Variants in SPTAN1 observed in about 807,000 individuals in gnomAD.
SPTAN1 encodes the protein spectrin alpha, non-erythrocytic 1, also known as spectrin alpha chain, non-erythrocytic 1.
Under a neutral mutation model 331.3 loss-of-function variants are expected in SPTAN1, and 61 were observed. That is an observed-to-expected ratio of 0.18 (90% CI 0.15 to 0.23). SPTAN1 has a LOEUF of 0.23. SPTAN1 is among the 10% of genes least tolerant of loss of function. SPTAN1 has a pLI of 1.00. For synonymous variants in SPTAN1, 1,153 were observed against 1,173.9 expected, an observed-to-expected ratio of 0.98 and a Z score of 0.36; for missense variants, 2,043 against 3,147.9, an observed-to-expected ratio of 0.65 and a Z score of 8.40.
In SPTAN1 at chr9:128,561,662, CAAAAAA is replaced by C. The variant is rs762156669; in HGVS notation, c.-3-5055_-3-5050del. Among the ~76,000 whole-genome samples the C allele has an allele frequency of 3.3e-3, 53 of 15,978 alleles. 1 individual carries two copies. Among genetic ancestry groups the C allele is most frequent in the Admixed American group, 0.017 (12 of 708 alleles). The allele number at this position is 15,978 out of a possible 152,430, so 10.5% of individuals were successfully genotyped here. A position where few individuals can be genotyped will look rare whatever the true frequency, so the allele number is the denominator to read the frequency against. On this transcript the variant is annotated intron_variant, in intron 1 of 56. Coordinates refer to ENST00000372739, the MANE Select transcript of SPTAN1 (RefSeq NM_001130438.3). ...TGGGCAACAGAGCGAGACTCCGTCT[CAAAAAA>C]AAAAAAAAAAAAAAAAAAAAGAATA...
Position 128,625,739 on chromosome 9 carries a change from C to T in SPTAN1, c.6070-30C>T. The T allele has an allele frequency of 6.2e-7, 1 of 1,610,530 alleles. No individual in the cohort carries two copies. The highest frequency in any genetic ancestry group is 8.5e-7 in the Non-Finnish European group (1 of 1,177,898). On this transcript the variant is annotated intron_variant, in intron 47 of 56. Coordinates refer to ENST00000372739, the MANE Select transcript of SPTAN1 (RefSeq NM_001130438.3). This position sits in a 1 kb window ranked among gnomAD's most constrained non-coding sequence, Gnocchi z 4.1. ...AGCAAGTTCCAGTCCTGTGGAGTCA[C>T]CACAAATTGGCTTGTCACTCCTTGT...
chr9:128,585,785 C>T lies in SPTAN1; in HGVS notation c.2598C>T (p.His866=), dbSNP rs1321026063. The change falls in exon 19 of 57, where the codon CAC becomes CAT. Residue 866 remains histidine, a synonymous_variant. Coordinates refer to ENST00000372739, the MANE Select transcript of SPTAN1 (RefSeq NM_001130438.3). ...CAGAGGATGTGAAGGCCAAGCTTCA[C>T]GAGCTGAACCAAAAGTGGGAGGCAC... is the stretch of plus-strand genomic sequence containing the variant. The part of the protein sequence containing the change: ...FAAEDVKAKL[H]ELNQKWEALK... The T allele has an allele frequency of 5.0e-6, 8 of 1,614,078 alleles. No homozygotes were observed. The African/African-American group carries it at 6.7e-5, about 13-fold the overall frequency.
Position 128,632,456 on chromosome 9 carries a change from G to A in SPTAN1, c.6985G>A (p.Ala2329Thr). Reference sequence around the variant, plus strand: ...GAACACAACAGGTGTGACTGAGGAGGCCCTCAAAGAATTCAGCATGATGTT... The same window carrying A: ...GAACACAACAGGTGTGACTGAGGAGACCCTCAAAGAATTCAGCATGATGTT... ...ARNTTGVTEE[A>T]LKEFSMMFKH... The change falls in exon 54 of 57, where the codon GCC (alanine) becomes ACC (threonine). Residue 2329 changes from alanine to threonine, a missense_variant. Coordinates refer to ENST00000372739, the MANE Select transcript of SPTAN1 (RefSeq NM_001130438.3). The A allele has an allele frequency of 6.2e-7, 1 of 1,614,166 alleles. No homozygotes were observed. The highest frequency in any genetic ancestry group is 8.5e-7 in the Non-Finnish European group (1 of 1,180,010).
chr9:128,564,238 G>A (rs376228888), intron 1 of SPTAN1, among the ~76,000 whole-genome samples: 16 of 152,236 alleles, frequency 1.1e-4, no homozygotes, highest in East Asian at 7.7e-4. Flanking sequence ...GGCCAACATG[G>A]TGAAACCCCG....
At chr9:128,559,690 G>A (rs1274573725) in intron 1 of SPTAN1, among the ~76,000 whole-genome samples, 1 of 151,678 alleles carries the variant, frequency 6.6e-6, no homozygotes, top group Non-Finnish European at 1.5e-5. Flanking sequence ...AAATAAATAA[G>A]TCTAACCCTA....
In SPTAN1 at chr9:128,626,510, T is replaced by C. The variant is rs1564316704; in HGVS notation, c.6399T>C (p.Ala2133=). 1.9e-6 allele frequency: 3 copies of C among 1,614,058 alleles called. No homozygotes were observed. The highest frequency in any genetic ancestry group is 2.5e-6 in the Non-Finnish European group (3 of 1,180,006). The change falls in exon 49 of 57, where the codon GCT becomes GCC. Residue 2133 remains alanine (A), a synonymous_variant. Coordinates refer to ENST00000372739, the MANE Select transcript of SPTAN1 (RefSeq NM_001130438.3). ...VRCNSLEEIK[A]LREAHDAFRS... is the part of the protein sequence containing the mutation. ...GCAACTCCTTGGAAGAAATCAAAGC[T>C]TTGCGCGAGGCCCACGACGCCTTCC...
chr9:128,575,309 T>A lies in SPTAN1; in HGVS notation c.615T>A (p.Val205=), dbSNP rs763385120. Residue 205 remains valine, a synonymous_variant, in exon 5 of 57, where the codon GTT becomes GTA. Transcript: ENST00000372739. ...QTDMAAHEER[V]NEVNQFAAKL... is the part of the protein sequence containing the mutation. ...ATATGGCTGCTCATGAAGAAAGAGT[T>A]AATGAAGTGAACCAGTTTGCTGCCA... is the stretch of plus-strand genomic sequence containing the variant. The A allele has an allele frequency of 7.4e-6, 12 of 1,613,602 alleles. No individual in the cohort carries two copies. The Middle Eastern group carries it at 6.6e-4, about 88-fold the overall frequency.
Position 128,629,366 on chromosome 9 carries a change from C to CCGG in SPTAN1, c.6708-955_6708-954insCGG, listed in dbSNP as rs1859301255. Among the ~76,000 whole-genome samples, 1 of 151,788 alleles carries CCGG rather than the reference C, an allele frequency of 6.6e-6. No individual in the cohort carries two copies. Among genetic ancestry groups the CCGG allele is most frequent in the African/African-American group, 2.4e-5 (1 of 41,328 alleles). ...CCCAGGTCCTGGGGGGCATTTTCCC[C>CCGG]GGGGGGACATGGCGTGACTGTGAGT... On this transcript the variant is annotated intron_variant, in intron 51 of 56. Transcript: ENST00000372739. The surrounding 1 kb of genome is among the most constrained non-coding windows in gnomAD (Gnocchi z 4.9).
chr9:128,578,815 G>A (rs946320009), intron 9 of SPTAN1, among the ~76,000 whole-genome samples: 2 of 135,214 alleles, frequency 1.5e-5, no homozygotes, highest in South Asian at 5.2e-4. Context: ...GACAACAAGA[G>A]TGTTTCACTC....
intron 9 of SPTAN1, among the ~76,000 whole-genome samples, chr9:128,578,852 A>C (rs1258172215): frequency 6.6e-6 from 1 of 151,094 alleles, no homozygotes; most frequent in African/African-American, 2.5e-5. Flanking sequence ...AAAAAAAAAA[A>C]AACCTTCTGA....
chr9:128,577,583 C>T lies in SPTAN1; in HGVS notation c.1085+77C>T. 6.3e-7 allele frequency: 1 copy of T among 1,587,034 alleles called. No individual in the cohort carries two copies. Among genetic ancestry groups the T allele is most frequent in the Non-Finnish European group, 8.6e-7 (1 of 1,160,416 alleles). On this transcript the variant is annotated intron_variant, in intron 8 of 56. Transcript: ENST00000372739. This position sits in a 1 kb window ranked among gnomAD's most constrained non-coding sequence, Gnocchi z 4.2. ...AAGCAGGAATAGCAGAGTTAAGGGT[C>T]TGTTCTGTGTTCTGTGAAAGTGTCA...
chr9:128,584,021 AG>A, intron 16 of SPTAN1, 52 bp downstream of exon 16: 1 of 1,607,606 alleles, frequency 6.2e-7, no homozygotes, highest in Non-Finnish European at 8.5e-7. Flanking sequence ...AAACTATAGG[AG>A]GGAGGAAAAG....
At chr9:128,584,922 G>T (rs1852388568) in intron 18 of SPTAN1, 79 bp downstream of exon 18, 2 of 1,579,950 alleles carry the variant, frequency 1.3e-6, no homozygotes, top group South Asian at 2.2e-5. Context: ...GGCCACGTGG[G>T]CATCACAAAC....
At chr9:128,570,312 ATATATATATATATATATATTTTTTTTT>A (rs1850505663) in intron 3 of SPTAN1, among the ~76,000 whole-genome samples, 2 of 34,056 alleles carry the variant, frequency 5.9e-5, no homozygotes, top group Admixed American at 7.8e-4. Context: ...GCTTATATAT[ATATATATATATATATATATTTTTTTTT>A]TTTTTTTTTT....
At chr9:128,562,904 G>T (rs1366331260) in intron 1 of SPTAN1, among the ~76,000 whole-genome samples, 1 of 149,500 alleles carries the variant, frequency 6.7e-6, no homozygotes, top group Non-Finnish European at 1.5e-5. Flanking sequence ...GGTGGAGCTT[G>T]CAGTGAGCCG....
chr9:128,554,265 G>A (rs1317227815), intron 1 of SPTAN1, among the ~76,000 whole-genome samples: 1 of 152,190 alleles, frequency 6.6e-6, no homozygotes, highest in East Asian at 1.9e-4. Flanking sequence ...CAAGTGTGAA[G>A]CAGTTCTTAT....
At chr9:128,602,221 G>GTT (rs576224099) in intron 27 of SPTAN1, among the ~76,000 whole-genome samples, 2,455 of 130,766 alleles carry the variant, frequency 0.019, 72 homozygotes, top group African/African-American at 0.065. Flanking sequence ...GGTTTTTTTT[G>GTT]TTTTTTTTTT....
At chr9:128,559,961 C>T (rs1445540610) in intron 1 of SPTAN1, among the ~76,000 whole-genome samples, 1 of 152,052 alleles carries the variant, frequency 6.6e-6, no homozygotes, top group South Asian at 2.1e-4. Flanking sequence ...TTTCAAACTC[C>T]TGACCTCAGG....
chr9:128,559,828 G>A (rs1849088383), intron 1 of SPTAN1, among the ~76,000 whole-genome samples: 1 of 151,326 alleles, frequency 6.6e-6, no homozygotes, highest in African/African-American at 2.4e-5. Flanking sequence ...TCTGCCTCCC[G>A]GGTTCAAGCG....
Sources: allele counts gnomAD v4.1 joint callset (sites outside exome capture counted in the v4.1 genomes callset), GRCh38; gene constraint gnomAD v4.1.1; non-coding constraint Gnocchi (gnomAD v3.1); transcripts MANE v1.5; gene names NCBI Gene and HGNC (gene_info 2026-07-23, HGNC 2026-07-21).